The following PLEKHG3 variants were observed in gnomAD, a reference collection of about 807,000 sequenced individuals.
PLEKHG3 encodes pleckstrin homology and RhoGEF domain containing G3.
Under a neutral mutation model 94.9 loss-of-function variants are expected in PLEKHG3, and 62 were observed. The observed-to-expected ratio is 0.65, with a 90% confidence interval of 0.53 to 0.81. The LOEUF (loss-of-function observed/expected upper bound fraction) is 0.81, where lower values mean the gene tolerates loss of function less well. Among genes scored for constraint, PLEKHG3 ranks in the 30% least tolerant of loss-of-function variants. The pLI, the probability that PLEKHG3 is intolerant of heterozygous loss-of-function variation, is 0.00. For synonymous variants in PLEKHG3, 614 were observed against 654.0 expected, an observed-to-expected ratio of 0.94 and a Z score of 0.93; for missense variants, 1,461 against 1,619.3, an observed-to-expected ratio of 0.90 and a Z score of 1.68.
At position 64,731,508 on chromosome 14, in the gene PLEKHG3, C is replaced by T. The variant is rs753729436; in HGVS notation, c.997C>T (p.Arg333Trp). Residue 333 changes from arginine to tryptophan, a missense_variant, in exon 8 of 17, where the codon CGG becomes TGG. Physicochemically the swap from Arg to Trp is moderately radical, Grantham distance 101. This residue lies in a region of PLEKHG3 where 1,201 missense variants were observed against 1,295.5 expected (regional missense o/e 0.93). Transcript: ENST00000247226. The surrounding 1 kb of genome is among the most constrained non-coding windows in gnomAD (Gnocchi z 6.1). ...FDKTLLITKK[R>W]GDHFVYKGNI... ...CAAAACACTGCTTATCACCAAGAAG[C>T]GGGGCGATCACTTTGTCTACAAGGG... The T allele has an allele frequency of 2.5e-6, 4 of 1,613,968 alleles. No homozygotes were observed. Among genetic ancestry groups the T allele is most frequent in the Admixed American group, 1.7e-5 (1 of 59,992 alleles).
chr14:64,728,112 A>C lies in PLEKHG3; in HGVS notation c.351+130A>C. The C allele has an allele frequency of 1.6e-6, 1 of 634,028 alleles. No individual in the cohort carries two copies. The allele number at this position is 634,028 out of a possible 1,614,324, so 39.3% of individuals were successfully genotyped here. A position where few individuals can be genotyped will look rare whatever the true frequency, so the allele number is the denominator to read the frequency against. ...GGGGTCTCCCACCCTCGCTGACTGC[A>C]CTGTGAAAGCTGTTGACCCCTGAGG... is the stretch of plus-strand genomic sequence containing the variant. On this transcript the variant is annotated intron_variant, in intron 2 of 16. Coordinates refer to ENST00000247226, the MANE Select transcript of PLEKHG3 (RefSeq NM_001308147.2). The surrounding 1 kb of genome is among the most constrained non-coding windows in gnomAD (Gnocchi z 5.9).
rs229649 is a variant in PLEKHG3, at chr14:64,743,149, C to T, written c.3106C>T (p.Arg1036Trp). The change falls in exon 17 of 17, where the codon CGG (arginine) becomes TGG (tryptophan). Residue 1036 changes from arginine to tryptophan, a missense_variant. Arg to Trp is a moderately radical substitution (Grantham distance 101). Around this residue, in one of 3 missense-constraint regions of PLEKHG3, gnomAD observed 1,201 missense variants for 1,295.5 expected, o/e 0.93. Transcript: ENST00000247226. This position sits in a 1 kb window ranked among gnomAD's most constrained non-coding sequence, Gnocchi z 7.2. ...CTCGCCTGGGGGCCGGCCCTCCGCC[C>T]GGAGCCCCCTCAGCCCCACAGAGAC... is the stretch of plus-strand genomic sequence containing the variant. Reference protein sequence around the residue: ...TTSPGGRPSARSPLSPTETFS... With the variant: ...TTSPGGRPSAWSPLSPTETFS... 0.086 allele frequency: 138,093 copies of T among 1,611,296 alleles called. 6,484 individuals carry two copies. Among genetic ancestry groups the T allele is most frequent in the African/African-American group, 0.14 (10,536 of 75,006 alleles).
In PLEKHG3 at chr14:64,714,246, G is replaced by A. The variant is rs572362644; in HGVS notation, c.-40+9542G>A. Among the ~76,000 whole-genome samples the A allele has an allele frequency of 6.4e-4, 98 of 152,338 alleles. 1 individual carries two copies. The highest frequency in any genetic ancestry group is 2.2e-3 in the African/African-American group (93 of 41,572). On this transcript the variant is annotated intron_variant, in intron 1 of 16. Coordinates refer to ENST00000247226, the MANE Select transcript of PLEKHG3 (RefSeq NM_001308147.2). ...TTGGAAGCGTGCACTTATTGGTGATGATGAGGTCTGGGGCATATGAGACAT... is the reference window on the plus strand; with the variant it reads ...TTGGAAGCGTGCACTTATTGGTGATAATGAGGTCTGGGGCATATGAGACAT...
rs1377374912 is a variant in PLEKHG3, at chr14:64,748,241, C to T, written c.*4538C>T. 6.7e-6 allele frequency: 1 copy of T among 149,742 alleles called. No homozygotes were observed. Among genetic ancestry groups the T allele is most frequent in the Non-Finnish European group, 1.5e-5 (1 of 68,012 alleles). The allele number at this position is 149,742 out of a possible 1,614,324, so 9.3% of individuals were successfully genotyped here. Reference sequence around the variant, plus strand: ...TACTGTCTGCCCAGCCATTACCCTCCAAAGTCCCAGCTGCAGACAGGATGC... The same window carrying T: ...TACTGTCTGCCCAGCCATTACCCTCTAAAGTCCCAGCTGCAGACAGGATGC... On this transcript the variant is annotated 3_prime_UTR_variant, in exon 17 of 17. Coordinates refer to ENST00000247226, the MANE Select transcript of PLEKHG3 (RefSeq NM_001308147.2).
At chr14:64,736,995 C>T (rs2081584371) in intron 13 of PLEKHG3, 104 bp downstream of exon 13, 1 of 885,176 alleles carries the variant, frequency 1.1e-6, no homozygotes, top group Admixed American at 1.9e-5. Context: ...GGAGGATTGT[C>T]AGAATAGTGT....
rs1357873745 is a variant in PLEKHG3 at position 64,720,233 on chromosome 14, C to T, written c.-39-7360C>T. Among the ~76,000 whole-genome samples, 2 of 152,192 alleles carry T rather than the reference C, an allele frequency of 1.3e-5. No homozygotes were observed. The highest frequency in any genetic ancestry group is 3.9e-4 in the East Asian group (2 of 5,188). The stretch of plus-strand genomic sequence containing the variant: ...CCTCCCAGTCTCTTGTGGCTGGTCA[C>T]CTAGTATGTAGCCCAGCGGGGCAGC... On this transcript the variant is annotated intron_variant, in intron 1 of 16. Coordinates refer to ENST00000247226, the MANE Select transcript of PLEKHG3 (RefSeq NM_001308147.2). This position sits in a 1 kb window ranked among gnomAD's most constrained non-coding sequence, Gnocchi z 4.1.
chr14:64,711,507 G>A (rs183194859), intron 1 of PLEKHG3, among the ~76,000 whole-genome samples: 6 of 151,274 alleles, frequency 4.0e-5, no homozygotes, highest in African/African-American at 1.2e-4. Flanking sequence ...TCCGTCTCCC[G>A]TGTTCATGCC....
At position 64,732,574 on chromosome 14, in the gene PLEKHG3, G is replaced by A. The variant is rs1447746115; in HGVS notation, c.1246+114G>A. On this transcript the variant is annotated intron_variant, in intron 11 of 16. Transcript: ENST00000247226. The surrounding 1 kb of genome is among the most constrained non-coding windows in gnomAD (Gnocchi z 4.9). ...TTATTCCAGGAGCAGGGAGGGCGGG[G>A]GTCTCCTGTTAAGGGCTGGGGGGTG... 3.0e-6 allele frequency: 3 copies of A among 986,028 alleles called. No homozygotes were observed. The allele number at this position is 986,028 out of a possible 1,614,324, so 61.1% of individuals were successfully genotyped here.
At chr14:64,734,978 G>A (rs1022106055) in intron 12 of PLEKHG3, among the ~76,000 whole-genome samples, 16 of 152,034 alleles carry the variant, frequency 1.1e-4, no homozygotes, top group African/African-American at 3.4e-4. Flanking sequence ...CACCCGCCTC[G>A]GCCTCACAGA....
rs138776077 is a variant in PLEKHG3, at chr14:64,728,103, G to A, written c.351+121G>A. ...TGGAGAACTGGGGTCTCCCACCCTCGCTGACTGCACTGTGAAAGCTGTTGA... is the reference window on the plus strand; with the variant it reads ...TGGAGAACTGGGGTCTCCCACCCTCACTGACTGCACTGTGAAAGCTGTTGA... On this transcript the variant is annotated intron_variant, in intron 2 of 16. Transcript: ENST00000247226. The surrounding 1 kb of genome is among the most constrained non-coding windows in gnomAD (Gnocchi z 5.9). 279 of 653,272 alleles carry A rather than the reference G, an allele frequency of 4.3e-4. No homozygotes were observed. The African/African-American group carries it at 4.9e-3, about 11-fold the overall frequency. 40.5% of individuals were successfully genotyped at this position (653,272 alleles called of 1,614,324 possible). A position where few individuals can be genotyped will look rare whatever the true frequency, so the allele number is the denominator to read the frequency against.
Position 64,741,314 on chromosome 14 carries a change from G to A in PLEKHG3, c.1797G>A (p.Leu599=), listed in dbSNP as rs1281632492. 3.7e-6 allele frequency: 6 copies of A among 1,613,658 alleles called. No homozygotes were observed. The highest frequency in any genetic ancestry group is 2.7e-5 in the African/African-American group (2 of 74,932). The change falls in exon 16 of 17, where the codon CTG becomes CTA. Residue 599 remains leucine, a synonymous_variant. Transcript: ENST00000247226. ...EPESLLPPSV[L]DQASVIAERF... ...AGAGCCTTCTGCCACCCTCTGTGCTGGACCAGGCCAGCGTCATTGCGGAGC... is the reference window on the plus strand; with the variant it reads ...AGAGCCTTCTGCCACCCTCTGTGCTAGACCAGGCCAGCGTCATTGCGGAGC...
In PLEKHG3 at chr14:64,738,732, A is replaced by C. The variant is rs746148089; in HGVS notation, c.1405-10A>C. ...GTCTTGGAGTTGATGACTGACCTCT[A>C]CCTCTGCAGGGAAAGGGGCGCAGGG... is the stretch of plus-strand genomic sequence containing the variant. On this transcript the variant is annotated splice_polypyrimidine_tract_variant and intron_variant, in intron 14 of 16. Coordinates refer to ENST00000247226, the MANE Select transcript of PLEKHG3 (RefSeq NM_001308147.2). The surrounding 1 kb of genome is among the most constrained non-coding windows in gnomAD (Gnocchi z 4.8). 4 of 1,553,592 alleles carry C rather than the reference A, an allele frequency of 2.6e-6. No homozygotes were observed. Among genetic ancestry groups the C allele is most frequent in the Admixed American group, 1.9e-5 (1 of 53,302 alleles).
chr14:64,741,657 C>A lies in PLEKHG3; in HGVS notation c.2140C>A (p.Arg714=). Residue 714 remains arginine (R), a synonymous_variant, in exon 16 of 17, where the codon CGG becomes AGG. Coordinates refer to ENST00000247226, the MANE Select transcript of PLEKHG3 (RefSeq NM_001308147.2). ...KKESALSTRD[R]LLLDKIKSYY... ...GGAATCAGCACTCTCCACCCGAGAC[C>A]GGCTGTTGCTAGACAAGATTAAGAG... The A allele has an allele frequency of 1.2e-6, 2 of 1,612,974 alleles. No individual in the cohort carries two copies. The highest frequency in any genetic ancestry group is 1.7e-6 in the Non-Finnish European group (2 of 1,180,040).
Position 64,732,193 on chromosome 14 carries a change from C to T in PLEKHG3, c.1212+12C>T, listed in dbSNP as rs780450072. 3.1e-6 allele frequency: 5 copies of T among 1,604,150 alleles called. No individual in the cohort carries two copies. In the Admixed American group the frequency reaches 8.3e-5, roughly 27 times the overall value. On this transcript the variant is annotated intron_variant, in intron 10 of 16. Transcript: ENST00000247226. The surrounding 1 kb of genome is among the most constrained non-coding windows in gnomAD (Gnocchi z 4.9). Reference sequence around the variant, plus strand: ...CCATTCCCCAGAAGGTGAGTTCCCCCAGCTCCTGACTGTGTGCAAGGAGAA... The same window carrying T: ...CCATTCCCCAGAAGGTGAGTTCCCCTAGCTCCTGACTGTGTGCAAGGAGAA...
chr14:64,732,424 C>T lies in PLEKHG3; in HGVS notation c.1213-3C>T. 2 of 1,612,584 alleles carry T rather than the reference C, an allele frequency of 1.2e-6. No homozygotes were observed. Among genetic ancestry groups the T allele is most frequent in the Non-Finnish European group, 1.7e-6 (2 of 1,178,610 alleles). On this transcript the variant is annotated splice_polypyrimidine_tract_variant and splice_region_variant and intron_variant, in intron 10 of 16. Coordinates refer to ENST00000247226, the MANE Select transcript of PLEKHG3 (RefSeq NM_001308147.2). This position sits in a 1 kb window ranked among gnomAD's most constrained non-coding sequence, Gnocchi z 4.9. ...TAACCAGGTGTGTTTCCTTCCCCTTCAGGCCAAGGAAGCCATCTTGGAAAT... is the reference window on the plus strand; with the variant it reads ...TAACCAGGTGTGTTTCCTTCCCCTTTAGGCCAAGGAAGCCATCTTGGAAAT...
Position 64,721,922 on chromosome 14 carries a change from C to T in PLEKHG3, c.-39-5671C>T, listed in dbSNP as rs529836642. Among the ~76,000 whole-genome samples, 24 of 152,314 alleles carry T rather than the reference C, an allele frequency of 1.6e-4. No homozygotes were observed. Among genetic ancestry groups the T allele is most frequent in the Non-Finnish European group, 2.8e-4 (19 of 68,016 alleles). ...TAAGAGCACAGCCGAGGGATTTCAC[C>T]ATCTTAGTTGAGATCTTAGTTGAGA... On this transcript the variant is annotated intron_variant, in intron 1 of 16. Coordinates refer to ENST00000247226, the MANE Select transcript of PLEKHG3 (RefSeq NM_001308147.2). This position sits in a 1 kb window ranked among gnomAD's most constrained non-coding sequence, Gnocchi z 4.3.
Position 64,704,878 on chromosome 14 carries a change from G to A in PLEKHG3, c.-40+174G>A, listed in dbSNP as rs1375592122. 6.6e-6 allele frequency among the ~76,000 whole-genome samples: 1 copy of A among 152,238 alleles called. No individual in the cohort carries two copies. The highest frequency in any genetic ancestry group is 1.5e-5 in the Non-Finnish European group (1 of 68,042). On this transcript the variant is annotated intron_variant, in intron 1 of 16. Transcript: ENST00000247226. The surrounding 1 kb of genome is among the most constrained non-coding windows in gnomAD (Gnocchi z 5.6). ...CTGGAACTGTGTTGGCTGCTTCCCG[G>A]GCCACCCTGCCGCAGAGTGCGCGAG...
rs1207587628 is a variant in PLEKHG3, at chr14:64,745,773, C to T, written c.*2070C>T. On this transcript the variant is annotated 3_prime_UTR_variant, in exon 17 of 17. Coordinates refer to ENST00000247226, the MANE Select transcript of PLEKHG3 (RefSeq NM_001308147.2). This position sits in a 1 kb window ranked among gnomAD's most constrained non-coding sequence, Gnocchi z 5.0. ...CTGGGGCTCTTCAGAGGGTGGGGCCCAGGAAGTTGTAGTTAACCCCTTCCC... is the reference window on the plus strand; with the variant it reads ...CTGGGGCTCTTCAGAGGGTGGGGCCTAGGAAGTTGTAGTTAACCCCTTCCC... 6.6e-6 allele frequency: 1 copy of T among 152,264 alleles called. No homozygotes were observed. Among genetic ancestry groups the T allele is most frequent in the Non-Finnish European group, 1.5e-5 (1 of 68,074 alleles). 9.4% of individuals were successfully genotyped at this position (152,264 alleles called of 1,614,324 possible). A position where few individuals can be genotyped will look rare whatever the true frequency, so the allele number is the denominator to read the frequency against.
rs1249021037 is a variant in PLEKHG3 at position 64,725,694 on chromosome 14, T to C, written c.-39-1899T>C. On this transcript the variant is annotated intron_variant, in intron 1 of 16. Transcript: ENST00000247226. The surrounding 1 kb of genome is among the most constrained non-coding windows in gnomAD (Gnocchi z 5.0). Reference sequence around the variant, plus strand: ...TGCACTGGGCTGCGGAGGGGAGCACTGGGCTGCCACTGAGTCCCCATCTGC... The same window carrying C: ...TGCACTGGGCTGCGGAGGGGAGCACCGGGCTGCCACTGAGTCCCCATCTGC... Among the ~76,000 whole-genome samples, 1 of 152,186 alleles carries C rather than the reference T, an allele frequency of 6.6e-6. No individual in the cohort carries two copies. The highest frequency in any genetic ancestry group is 2.4e-5 in the African/African-American group (1 of 41,444).
Sources: allele counts gnomAD v4.1 joint callset (sites outside exome capture counted in the v4.1 genomes callset), GRCh38; gene constraint gnomAD v4.1.1; regional missense constraint gnomAD v4.1.1; non-coding constraint Gnocchi (gnomAD v3.1); transcripts MANE v1.5; gene names NCBI Gene and HGNC (gene_info 2026-07-23, HGNC 2026-07-21).